QKI: variants seen among roughly 807,000 people sequenced by gnomAD.
QKI encodes QKI, KH domain containing RNA binding, also known as KH domain-containing RNA-binding protein QKI.
In QKI, 10 loss-of-function variants were observed where a neutral mutation model predicts 39.0. The ratio of observed to expected loss-of-function variants is 0.26; its 90% CI spans 0.16 to 0.43. The LOEUF (loss-of-function observed/expected upper bound fraction) is 0.43. QKI is among the 20% of genes least tolerant of loss of function. QKI has a pLI of 1.00. For synonymous variants in QKI, 204 were observed against 155.4 expected (o/e 1.31, Z -2.33); for missense variants, 218 against 428.0 (o/e 0.51, Z 4.33).
intron 1 of QKI, chr6:163,415,779 G>T (rs1787407676): frequency 3.0e-6 from 1 of 338,784 alleles, no homozygotes; most frequent in Non-Finnish European, 5.8e-6. Context: ...TCGGCCTCCC[G>T]AGCCTGCTCT....
chr6:163,441,115 A>T (rs894935621), intron 1 of QKI, among the ~76,000 whole-genome samples: 19 of 151,974 alleles, frequency 1.3e-4, no homozygotes, highest in Non-Finnish European at 2.4e-4. Flanking sequence ...CCTTTTCCTT[A>T]TTGGCTCGGT....
At chr6:163,550,807 A>G (rs1469293640) in intron 4 of QKI, among the ~76,000 whole-genome samples, 1 of 151,892 alleles carries the variant, frequency 6.6e-6, no homozygotes, top group Non-Finnish European at 1.5e-5. Flanking sequence ...TTAGCCGGGC[A>G]TGGTGGTGGG....
intron 3 of QKI, among the ~76,000 whole-genome samples, chr6:163,504,031 C>T (rs988087466): frequency 3.9e-5 from 6 of 152,086 alleles, no homozygotes; most frequent in Non-Finnish European, 5.9e-5. Flanking sequence ...GTGTGAGCCC[C>T]CACCCCCAGC....
intron 2 of QKI, among the ~76,000 whole-genome samples, chr6:163,476,244 A>C (rs919619385): frequency 6.6e-6 from 1 of 151,054 alleles, no homozygotes; most frequent in Non-Finnish European, 1.5e-5. Flanking sequence ...ATGTACAACC[A>C]TTTTAGAAAA....
Position 163,576,139 on chromosome 6 carries a change from A to G in QKI, c.*5429A>G, listed in dbSNP as rs1783963479. On this transcript the variant is annotated 3_prime_UTR_variant, in exon 8 of 8. Coordinates refer to ENST00000361752, the MANE Select transcript of QKI (RefSeq NM_006775.3). ...AAAATATGGACAATATTTTAGAAATATGTGCTACACATCTAATTTTATCTG... is the reference window on the plus strand; with the variant it reads ...AAAATATGGACAATATTTTAGAAATGTGTGCTACACATCTAATTTTATCTG... 6.6e-6 allele frequency: 1 copy of G among 152,196 alleles called. No individual in the cohort carries two copies. Among genetic ancestry groups the G allele is most frequent in the African/African-American group, 2.4e-5 (1 of 41,456 alleles). The allele number at this position is 152,196 out of a possible 1,614,324, so 9.4% of individuals were successfully genotyped here. A position where few individuals can be genotyped will look rare whatever the true frequency, so the allele number is the denominator to read the frequency against.
At chr6:163,438,325 T>A (rs1789470378) in intron 1 of QKI, among the ~76,000 whole-genome samples, 1 of 152,064 alleles carries the variant, frequency 6.6e-6, no homozygotes, top group African/African-American at 2.4e-5. Context: ...ATAATGACAT[T>A]GATGACCAGT....
chr6:163,474,101 G>T (rs1368803243), intron 2 of QKI, among the ~76,000 whole-genome samples: 1 of 152,130 alleles, frequency 6.6e-6, no homozygotes, highest in East Asian at 1.9e-4. Flanking sequence ...TGTTTTAATA[G>T]ATAGTGAAAA....
intron 1 of QKI, among the ~76,000 whole-genome samples, chr6:163,415,690 G>A (rs981563068): frequency 1.1e-4 from 16 of 151,784 alleles, no homozygotes; most frequent in African/African-American, 3.9e-4. Context: ...GGTCCTCGCC[G>A]AGCCCTCCCG....
chr6:163,557,289 A>G (rs745804718), intron 4 of QKI, among the ~76,000 whole-genome samples: 2 of 152,180 alleles, frequency 1.3e-5, no homozygotes, highest in Non-Finnish European at 2.9e-5. Flanking sequence ...GGCTTGAGGT[A>G]CAAGGAGACT....
At chr6:163,462,821 G>A (rs1217229749) in intron 2 of QKI, among the ~76,000 whole-genome samples, 1 of 152,142 alleles carries the variant, frequency 6.6e-6, no homozygotes, top group Non-Finnish European at 1.5e-5. Flanking sequence ...CTTGAACTCA[G>A]GCAATGGCAG....
intron 1 of QKI, among the ~76,000 whole-genome samples, chr6:163,451,525 G>T (rs1290693448): frequency 8.5e-5 from 13 of 152,168 alleles, no homozygotes; most frequent in Admixed American, 8.5e-4. Context: ...AATTTTAGGA[G>T]AGCAGATTTT....
At chr6:163,529,538 G>A (rs972242230) in intron 3 of QKI, among the ~76,000 whole-genome samples, 8 of 151,978 alleles carry the variant, frequency 5.3e-5, no homozygotes, top group Admixed American at 2.6e-4. Context: ...AGAAAAAAAA[G>A]AAATAAAAGT....
chr6:163,484,171 T>C (rs887765020), intron 3 of QKI, among the ~76,000 whole-genome samples: 1 of 152,076 alleles, frequency 6.6e-6, no homozygotes, highest in Non-Finnish European at 1.5e-5. Context: ...GTTGTTCCAA[T>C]TGTAGAGCAC....
chr6:163,550,256 G>C (rs1424973653), intron 4 of QKI, among the ~76,000 whole-genome samples: 1 of 152,136 alleles, frequency 6.6e-6, no homozygotes, highest in Non-Finnish European at 1.5e-5. Context: ...TGGTAAGGGG[G>C]TAAGTGAGCT....
At chr6:163,567,511 C>G (rs891262046) in intron 7 of QKI, 1 of 983,868 alleles carries the variant, frequency 1.0e-6, no homozygotes. Context: ...GGTATGAGAT[C>G]CAGCTGTGTG....
At chr6:163,481,349 G>A (rs370683579) in intron 3 of QKI, among the ~76,000 whole-genome samples, 95 of 152,140 alleles carry the variant, frequency 6.2e-4, no homozygotes, top group Middle Eastern at 3.4e-3. Flanking sequence ...GGAATGGTGT[G>A]TGCTGGTCTG....
intron 4 of QKI, among the ~76,000 whole-genome samples, chr6:163,540,148 G>A (rs1781426438): frequency 1.3e-5 from 2 of 151,260 alleles, no homozygotes; most frequent in Non-Finnish European, 1.5e-5. Flanking sequence ...TTTTTAGAAA[G>A]ACAAAGAGTT....
At chr6:163,566,176 A>G (rs762681739) in intron 6 of QKI, 48 of 1,375,474 alleles carry the variant, frequency 3.5e-5, no homozygotes, top group Non-Finnish European at 4.4e-5. Flanking sequence ...AAAGGAGTGT[A>G]TAGTAGTATA....
chr6:163,434,738 TGTTA>T (rs1789112216), intron 1 of QKI, among the ~76,000 whole-genome samples: 1 of 151,798 alleles, frequency 6.6e-6, no homozygotes, highest in Admixed American at 6.6e-5. Context: ...ATAAGATAAA[TGTTA>T]ATTATATAGA....
Sources: gnomAD v4.1 joint callset for allele counts (sites outside exome capture counted in the v4.1 genomes callset) on GRCh38, gnomAD v4.1.1 for gene constraint, MANE v1.5 for transcripts, NCBI Gene and HGNC (gene_info 2026-07-23, HGNC 2026-07-21) for gene names.